PPP1R16B: variants seen among roughly 807,000 people sequenced by gnomAD.
PPP1R16B encodes the protein protein phosphatase 1 regulatory subunit 16B.
PPP1R16B carries 14 observed loss-of-function variants against 61.7 expected under a neutral mutation model. The observed-to-expected ratio is 0.23, with a 90% CI of 0.15 to 0.35. The LOEUF (loss-of-function observed/expected upper bound fraction) is 0.35. PPP1R16B is among the 10% of genes least tolerant of loss of function. PPP1R16B has a pLI of 1.00. For synonymous variants in PPP1R16B, 266 were observed against 305.3 expected (o/e 0.87, Z 1.34); for missense variants, 547 against 752.5 (o/e 0.73, Z 3.19).
At chr20:38,910,926 T>C (rs1295064503) in intron 10 of PPP1R16B, among the ~76,000 whole-genome samples, 1 of 151,304 alleles carries the variant, frequency 6.6e-6, no homozygotes, top group Non-Finnish European at 1.5e-5. Flanking sequence ...ACCCGGGAGG[T>C]GGAGGTTGCA....
At chr20:38,819,644 A>C (rs2145708293) in intron 1 of PPP1R16B, among the ~76,000 whole-genome samples, 1 of 152,298 alleles carries the variant, frequency 6.6e-6, no homozygotes, top group Middle Eastern at 3.4e-3. Context: ...AGAAATAGTA[A>C]GGAGAGTTGC....
rs114902924 is a variant in PPP1R16B, at chr20:38,875,870, C to T, written c.251-13725C>T. ...GATCTGTCTGTTCCCTTCCTGGCCA[C>T]GATCCCAGGGTTCACCTTGGACTTA... is the stretch of plus-strand genomic sequence containing the variant. On this transcript the variant is annotated intron_variant, in intron 2 of 10. Transcript: ENST00000299824. Among the ~76,000 whole-genome samples, 298 of 151,864 alleles carry T rather than the reference C, an allele frequency of 2.0e-3. 4 individuals carry two copies. The highest frequency in any genetic ancestry group is 7.0e-3 in the African/African-American group (288 of 41,394).
At position 38,884,672 on chromosome 20, in the gene PPP1R16B, G is replaced by A. The variant is rs372389529; in HGVS notation, c.251-4923G>A. 7.2e-5 allele frequency among the ~76,000 whole-genome samples: 11 copies of A among 152,302 alleles called. No homozygotes were observed. In the South Asian group the frequency reaches 2.1e-3, roughly 29 times the overall value. ...CTGTTGGGGCTGGACGTGGTTGTGC[G>A]TGCGCCTGGAGTCTCAACTACTCAG... On this transcript the variant is annotated intron_variant, in intron 2 of 10. Transcript: ENST00000299824.
Position 38,889,645 on chromosome 20 carries a change from G to A in PPP1R16B, c.301G>A (p.Gly101Arg), listed in dbSNP as rs765364629. The part of the protein sequence containing the change: ...KVSPDLCNED[G>R]LTALHQCCID... The stretch of plus-strand genomic sequence containing the variant: ...CAGCCCTGATTTGTGCAATGAGGAC[G>A]GACTCACAGCCCTACACCAGGTAAG... Residue 101 changes from glycine to arginine, a missense_variant, in exon 3 of 11, where the codon GGA (glycine) becomes AGA (arginine). By Grantham distance (125) the Gly-to-Arg change is moderately radical. Transcript: ENST00000299824. 3.1e-5 allele frequency: 49 copies of A among 1,597,082 alleles called. No homozygotes were observed. The highest frequency in any genetic ancestry group is 4.0e-5 in the Non-Finnish European group (47 of 1,164,464).
chr20:38,895,216 G>A (rs1294610785), intron 3 of PPP1R16B, among the ~76,000 whole-genome samples: 1 of 151,882 alleles, frequency 6.6e-6, no homozygotes, highest in Non-Finnish European at 1.5e-5. Context: ...TTTGGAGAAA[G>A]CCTTTTGGGA....
chr20:38,857,800 G>A (rs537629919), intron 2 of PPP1R16B, among the ~76,000 whole-genome samples: 1 of 151,482 alleles, frequency 6.6e-6, no homozygotes, highest in Non-Finnish European at 1.5e-5. Context: ...CTCTCAGGAC[G>A]CAACTGATGT....
At chr20:38,829,618 C>T (rs1269686347) in intron 1 of PPP1R16B, among the ~76,000 whole-genome samples, 3 of 152,224 alleles carry the variant, frequency 2.0e-5, no homozygotes, top group Non-Finnish European at 4.4e-5. Flanking sequence ...CCCTCTGGGG[C>T]TTTCTCTGGA....
chr20:38,824,536 T>C (rs909776844), intron 1 of PPP1R16B, among the ~76,000 whole-genome samples: 4 of 152,252 alleles, frequency 2.6e-5, no homozygotes, highest in African/African-American at 9.6e-5. Context: ...TGGGTTCAAA[T>C]GTCAGTTCCA....
chr20:38,918,340 C>G lies in PPP1R16B; in HGVS notation c.1378C>G (p.Pro460Ala). ...TGACTACAGCATGGCCTATGGCAAC[C>G]CTGGCGTGGCCGACGCCACCCCGCC... ...VPDYSMAYGN[P>A]GVADATPPWS... The change falls in exon 11 of 11, where the codon CCT becomes GCT. Residue 460 changes from proline to alanine, a missense_variant. By Grantham distance (27) the Pro-to-Ala change is conservative. Transcript: ENST00000299824. The surrounding 1 kb of genome is among the most constrained non-coding windows in gnomAD (Gnocchi z 5.3). The G allele has an allele frequency of 3.1e-6, 5 of 1,614,210 alleles. No homozygotes were observed. The highest frequency in any genetic ancestry group is 1.6e-4 in the Middle Eastern group (1 of 6,062).
In PPP1R16B at chr20:38,918,254, C is replaced by T. The variant is rs753669205; in HGVS notation, c.1292C>T (p.Pro431Leu). Residue 431 changes from proline (P) to leucine (L), a missense_variant, in exon 11 of 11, where the codon CCG becomes CTG. Pro to Leu is a moderately conservative substitution (Grantham distance 98). Coordinates refer to ENST00000299824, the MANE Select transcript of PPP1R16B (RefSeq NM_015568.4). The surrounding 1 kb of genome is among the most constrained non-coding windows in gnomAD (Gnocchi z 5.3). ...CCTGTTGAGAATGGCCTCCGGGCTC[C>T]GGTCAGTGCCTACCAGTATGCGCTG... ...DMPVENGLRA[P>L]VSAYQYALAN... The T allele has an allele frequency of 3.7e-6, 6 of 1,614,132 alleles. No individual in the cohort carries two copies. The highest frequency in any genetic ancestry group is 2.2e-5 in the East Asian group (1 of 44,896).
In PPP1R16B at chr20:38,918,088, C is replaced by T; in HGVS notation, c.1195-69C>T. ...AAAGTCCAAACAATAATGCCCTCAG[C>T]AGAGAGACAGGTGGATAGTAGGTTC... On this transcript the variant is annotated intron_variant, in intron 10 of 10. Coordinates refer to ENST00000299824, the MANE Select transcript of PPP1R16B (RefSeq NM_015568.4). This position sits in a 1 kb window ranked among gnomAD's most constrained non-coding sequence, Gnocchi z 5.3. 6.4e-7 allele frequency: 1 copy of T among 1,567,528 alleles called. No individual in the cohort carries two copies.
intron 3 of PPP1R16B, 64 bp downstream of exon 3, chr20:38,889,729 C>T (rs2085278193): frequency 6.8e-7 from 1 of 1,480,828 alleles, no homozygotes; most frequent in Non-Finnish European, 9.4e-7. Context: ...TACCCTGTTT[C>T]TCGGCACTTT....
Position 38,920,909 on chromosome 20 carries a change from G to A in PPP1R16B, c.*2243G>A, listed in dbSNP as rs1318722142. On this transcript the variant is annotated 3_prime_UTR_variant, in exon 11 of 11. Coordinates refer to ENST00000299824, the MANE Select transcript of PPP1R16B (RefSeq NM_015568.4). ...CCAGACTGACGCTGAAATCCCTCAT[G>A]AGCCAACCTTAGCTACAAGGTAGGG... 6.6e-6 allele frequency: 1 copy of A among 152,242 alleles called. No homozygotes were observed. Among genetic ancestry groups the A allele is most frequent in the East Asian group, 1.9e-4 (1 of 5,204 alleles). The allele number at this position is 152,242 out of a possible 1,614,324, so 9.4% of individuals were successfully genotyped here.
intron 2 of PPP1R16B, among the ~76,000 whole-genome samples, chr20:38,850,464 A>G (rs113911733): frequency 0.014 from 2,111 of 152,346 alleles, 61 homozygotes; most frequent in African/African-American, 0.048. Flanking sequence ...TTTCTACTCC[A>G]TATCATTCAT....
chr20:38,911,018 C>G (rs1297729913), intron 10 of PPP1R16B, among the ~76,000 whole-genome samples: 1 of 151,704 alleles, frequency 6.6e-6, no homozygotes, highest in African/African-American at 2.4e-5. Flanking sequence ...CAAAACAAAA[C>G]AAAATTTTTT....
At chr20:38,853,367 A>G (rs527305426) in intron 2 of PPP1R16B, among the ~76,000 whole-genome samples, 1 of 152,354 alleles carries the variant, frequency 6.6e-6, no homozygotes, top group African/African-American at 2.4e-5. Flanking sequence ...GCAGAGGTGA[A>G]GACTAAGAGA....
intron 1 of PPP1R16B, among the ~76,000 whole-genome samples, chr20:38,829,945 T>G (rs1646535070): frequency 1.3e-5 from 2 of 152,226 alleles, no homozygotes; most frequent in Non-Finnish European, 2.9e-5. Flanking sequence ...GAGGGCCAAG[T>G]CAGAGAAAAT....
chr20:38,848,515 A>G (rs1158355714), intron 2 of PPP1R16B, among the ~76,000 whole-genome samples: 2 of 152,190 alleles, frequency 1.3e-5, no homozygotes, highest in African/African-American at 2.4e-5. Flanking sequence ...GTGGCTTAAT[A>G]TGTGATAAAA....
At chr20:38,913,784 A>G (rs1195943553) in intron 10 of PPP1R16B, among the ~76,000 whole-genome samples, 1 of 152,184 alleles carries the variant, frequency 6.6e-6, no homozygotes, top group Non-Finnish European at 1.5e-5. Flanking sequence ...TGGTCAGCCC[A>G]TTTCCAGAAC....
Sources: allele counts gnomAD v4.1 joint callset (sites outside exome capture counted in the v4.1 genomes callset), GRCh38; gene constraint gnomAD v4.1.1; non-coding constraint Gnocchi (gnomAD v3.1); transcripts MANE v1.5; gene names NCBI Gene and HGNC (gene_info 2026-07-23, HGNC 2026-07-21).